Variants in KRT6B observed in about 807,000 individuals in gnomAD.
KRT6B encodes the protein keratin, type II cytoskeletal 6B.
KRT6B carries 29 observed loss-of-function variants against 44.7 expected under a neutral mutation model. The observed-to-expected ratio is 0.65, with a 90% CI of 0.48 to 0.88. The LOEUF is 0.88. Ranked by LOEUF, KRT6B falls within the 40% of genes least tolerant of loss-of-function variation. The pLI, the probability that KRT6B is intolerant of heterozygous loss-of-function variation, is 0.00. For synonymous variants in KRT6B, 213 were observed against 296.0 expected, an observed-to-expected ratio of 0.72 and a Z score of 2.88; for missense variants, 600 against 724.0, an observed-to-expected ratio of 0.83 and a Z score of 1.97.
intron 6 of KRT6B, 110 bp from the exon 7 acceptor site, chr12:52,448,108 T>C (rs1940342352): frequency 7.3e-7 from 1 of 1,370,422 alleles, no homozygotes; most frequent in Non-Finnish European, 1.0e-6. Flanking sequence ...GAACTGATGG[T>C]AAATGAGCTC....
In KRT6B at chr12:52,449,758, T is replaced by G; in HGVS notation, c.912A>C (p.Ala304=). The change falls in exon 4 of 9, where the codon GCA becomes GCC. Residue 304 remains alanine (A), a splice_region_variant and synonymous_variant. Coordinates refer to ENST00000252252, the MANE Select transcript of KRT6B (RefSeq NM_005555.4). ...EINFLRALYD[A]ELSQMQTHIS... ...ACAGAAGGATGGTGGAGTTGCTTAC[T>G]GCATCATACAAGGCTCTCAGGAAGT... The G allele has an allele frequency of 1.2e-6, 2 of 1,614,092 alleles. No individual in the cohort carries two copies. The highest frequency in any genetic ancestry group is 1.7e-6 in the Non-Finnish European group (2 of 1,179,944).
intron 4 of KRT6B, 56 bp from the exon 5 acceptor site, chr12:52,449,689 C>T (rs997805328): frequency 1.9e-6 from 3 of 1,614,194 alleles, no homozygotes; most frequent in Non-Finnish European, 2.5e-6. Flanking sequence ...CAGAGATGCC[C>T]AGCCCTGTAC....
rs551355854 is a variant in KRT6B, at chr12:52,449,620, A to C, written c.926T>G (p.Met309Arg). Residue 309 changes from methionine to arginine, a missense_variant, in exon 5 of 9, where the codon ATG becomes AGG. By Grantham distance (91) the Met-to-Arg change is moderately conservative. Transcript: ENST00000252252. ...GGATGTGTCTGAGATGTGGGTCTGC[A>C]TCTGGGACAGCTCCTGCAGAACAGA... ...RALYDAELSQ[M>R]QTHISDTSVV... 2.5e-6 allele frequency: 4 copies of C among 1,614,244 alleles called. No homozygotes were observed. The South Asian group carries it at 3.3e-5, about 13-fold the overall frequency.
Position 52,447,107 on chromosome 12 carries a change from G to C in KRT6B, c.*83C>G. 6.4e-7 allele frequency: 1 copy of C among 1,572,196 alleles called. No homozygotes were observed. The highest frequency in any genetic ancestry group is 8.7e-7 in the Non-Finnish European group (1 of 1,152,474). On this transcript the variant is annotated 3_prime_UTR_variant, in exon 9 of 9. Transcript: ENST00000252252. ...GAGGGCAGGGGAGACTGGAGGCCAG[G>C]GGAGGACAAGCAACCTGAGGAGAGG...
Position 52,446,825 on chromosome 12 carries a change from T to TCTC in KRT6B, c.*364_*365insGAG. On this transcript the variant is annotated 3_prime_UTR_variant, in exon 9 of 9. Transcript: ENST00000252252. ...TGAGAACTCCTGAGTGTAGCTATAA[T>TCTC]GGGCAGGATGGTTAGCAATTAAAGA... 7.7e-4 allele frequency: 248 copies of TCTC among 322,942 alleles called. No homozygotes were observed. The highest frequency in any genetic ancestry group is 1.7e-3 in the South Asian group (44 of 25,288). The allele number at this position is 322,942 out of a possible 1,614,324, so 20.0% of individuals were successfully genotyped here. A position where few individuals can be genotyped will look rare whatever the true frequency, so the allele number is the denominator to read the frequency against.
chr12:52,447,465 G>A (rs2121514056), intron 8 of KRT6B, 40 bp from the exon 9 acceptor site: 4 of 1,614,060 alleles, frequency 2.5e-6, no homozygotes, highest in Non-Finnish European at 2.5e-6. Context: ...AAGCCACAAT[G>A]AGTTCATCCT....
chr12:52,447,357 C>A lies in KRT6B; in HGVS notation c.1528G>T (p.Gly510Cys), dbSNP rs1261074098. 1.2e-6 allele frequency: 2 copies of A among 1,614,036 alleles called. No individual in the cohort carries two copies. The highest frequency in any genetic ancestry group is 2.2e-5 in the South Asian group (2 of 91,082). ...CCATAGGAGTAGCTGCTTCCTCCAC[C>A]CAGGCCTAAGCCACTGCCGACACCG... ...ASGVGSGLGL[G>C]GGSSYSYGSG... The change falls in exon 9 of 9, where the codon GGT becomes TGT. Residue 510 changes from glycine (G) to cysteine (C), a missense_variant. Transcript: ENST00000252252.
chr12:52,451,990 C>A lies in KRT6B; in HGVS notation c.89G>T (p.Arg30Leu), dbSNP rs374275504. The A allele has an allele frequency of 1.2e-5, 19 of 1,613,584 alleles. No homozygotes were observed. The highest frequency in any genetic ancestry group is 6.7e-5 in the Admixed American group (4 of 60,012). Residue 30 changes from arginine (R) to leucine (L), a missense_variant, in exon 1 of 9, where the codon CGC becomes CTC. Physicochemically the swap from Arg to Leu is moderately radical, Grantham distance 102 (BLOSUM62 -2). Transcript: ENST00000252252. The part of the protein sequence containing the change: ...ANSARLPGVS[R>L]SGFSSISVSR... ...CACGGAGATGCTGCTGAAGCCAGAG[C>A]GGCTGACCCCAGGGAGCCTGGCTGA...
Position 52,449,112 on chromosome 12 carries a change from G to T in KRT6B, c.1078-145C>A, listed in dbSNP as rs965361994. ...TGAGGAAAAGTTGATGTTATGTGGT[G>T]GGTGGATACTAAACACTGGAGTCAC... is the stretch of plus-strand genomic sequence containing the variant. On this transcript the variant is annotated intron_variant, in intron 5 of 8. Transcript: ENST00000252252. 4.2e-5 allele frequency: 61 copies of T among 1,444,096 alleles called. No homozygotes were observed. In the African/African-American group the frequency reaches 6.3e-4, roughly 15 times the overall value. 89.5% of individuals were successfully genotyped at this position (1,444,096 alleles called of 1,614,324 possible). A position where few individuals can be genotyped will look rare whatever the true frequency, so the allele number is the denominator to read the frequency against.
In KRT6B at chr12:52,449,113, G is replaced by A. The variant is rs542117028; in HGVS notation, c.1078-146C>T. On this transcript the variant is annotated intron_variant, in intron 5 of 8. Coordinates refer to ENST00000252252, the MANE Select transcript of KRT6B (RefSeq NM_005555.4). ...GAGGAAAAGTTGATGTTATGTGGTG[G>A]GTGGATACTAAACACTGGAGTCACA... is the stretch of plus-strand genomic sequence containing the variant. 17 of 1,442,650 alleles carry A rather than the reference G, an allele frequency of 1.2e-5. No individual in the cohort carries two copies. The African/African-American group carries it at 2.0e-4, about 17-fold the overall frequency. 89.4% of individuals were successfully genotyped at this position (1,442,650 alleles called of 1,614,324 possible). A position where few individuals can be genotyped will look rare whatever the true frequency, so the allele number is the denominator to read the frequency against.
chr12:52,446,962 AC>A lies in KRT6B; in HGVS notation c.*227del, dbSNP rs553864968. The A allele has an allele frequency of 1.6e-4, 98 of 599,764 alleles. No homozygotes were observed. The highest frequency in any genetic ancestry group is 1.4e-3 in the African/African-American group (74 of 54,002). 37.2% of individuals were successfully genotyped at this position (599,764 alleles called of 1,614,324 possible). On this transcript the variant is annotated 3_prime_UTR_variant, in exon 9 of 9. Coordinates refer to ENST00000252252, the MANE Select transcript of KRT6B (RefSeq NM_005555.4). ...CTCAGATACCTGTAATAATACGGGAACTAAAAAGGACATTCGCATGTCTGAG... is the reference window on the plus strand; with the variant it reads ...CTCAGATACCTGTAATAATACGGGAATAAAAAGGACATTCGCATGTCTGAG...
In KRT6B at chr12:52,452,032, C is replaced by G. The variant is rs749556525; in HGVS notation, c.47G>C (p.Arg16Pro). 6.2e-6 allele frequency: 10 copies of G among 1,613,956 alleles called. No homozygotes were observed. The highest frequency in any genetic ancestry group is 6.8e-6 in the Non-Finnish European group (8 of 1,179,912). Residue 16 changes from arginine to proline, a missense_variant, in exon 1 of 9, where the codon CGG becomes CCG. This residue lies in a region of KRT6B where 78 missense variants were observed against 97.5 expected (regional missense o/e 0.80). Coordinates refer to ENST00000252252, the MANE Select transcript of KRT6B (RefSeq NM_005555.4). Reference protein sequence around the residue: ...TTIRSHSSSRRGFSANSARLP... With the variant: ...TTIRSHSSSRPGFSANSARLP... ...CCTGGCTGAGTTGGCACTGAAACCC[C>G]GGCGGCTGCTGCTGTGGCTCCTGAT...
chr12:52,448,027 T>A, intron 6 of KRT6B, 29 bp from the exon 7 acceptor site: 1 of 1,613,924 alleles, frequency 6.2e-7, no homozygotes, highest in African/African-American at 1.3e-5. Flanking sequence ...AGAAAGAACT[T>A]GTCATCTGGT....
At chr12:52,449,219 C>G (rs1940358831) in intron 5 of KRT6B, among the ~76,000 whole-genome samples, 1 of 152,188 alleles carries the variant, frequency 6.6e-6, no homozygotes, top group South Asian at 2.1e-4. Context: ...TAAAAGTCAG[C>G]AACCAAGGTG....
chr12:52,450,947 G>A (rs573352889), intron 1 of KRT6B, among the ~76,000 whole-genome samples: 10 of 152,090 alleles, frequency 6.6e-5, no homozygotes, highest in African/African-American at 2.2e-4. Context: ...ATTGTACACA[G>A]TTTTTTTTAC....
In KRT6B at chr12:52,452,088, A is replaced by C; in HGVS notation, c.-10T>G. On this transcript the variant is annotated 5_prime_UTR_variant, in exon 1 of 9. Coordinates refer to ENST00000252252, the MANE Select transcript of KRT6B (RefSeq NM_005555.4). Reference sequence around the variant, plus strand: ...TGGATGTGCTGGCCATGGTTCCAGGAGATGAGAGGGCTTAGGAGAGTGTGA... The same window carrying C: ...TGGATGTGCTGGCCATGGTTCCAGGCGATGAGAGGGCTTAGGAGAGTGTGA... 1.2e-6 allele frequency: 2 copies of C among 1,614,036 alleles called. No homozygotes were observed. Among genetic ancestry groups the C allele is most frequent in the Non-Finnish European group, 1.7e-6 (2 of 1,179,990 alleles).
At chr12:52,450,785 A>C (rs1313454963) in intron 1 of KRT6B, among the ~76,000 whole-genome samples, 165 bp from the exon 2 acceptor site, 2 of 152,098 alleles carry the variant, frequency 1.3e-5, no homozygotes, top group Non-Finnish European at 2.9e-5. Context: ...TCTCCTTTGC[A>C]CCCCACCAGT....
intron 2 of KRT6B, 103 bp from the exon 3 acceptor site, chr12:52,450,175 G>C (rs1940375253): frequency 6.2e-7 from 1 of 1,603,330 alleles, no homozygotes; most frequent in Non-Finnish European, 8.5e-7. Context: ...TATTCTAATT[G>C]AGCTTTCCTG....
At chr12:52,448,718 G>C in intron 6 of KRT6B, 124 bp downstream of exon 6, 2 of 1,503,400 alleles carry the variant, frequency 1.3e-6, no homozygotes, top group Non-Finnish European at 1.8e-6. Context: ...CCTAGGAACT[G>C]CATGTCTTTC....
Sources: gnomAD v4.1 joint callset for allele counts (sites outside exome capture counted in the v4.1 genomes callset) on GRCh38, gnomAD v4.1.1 for gene constraint, gnomAD v4.1.1 regional missense constraint, MANE v1.5 for transcripts, NCBI Gene and HGNC (gene_info 2026-07-23, HGNC 2026-07-21) for gene names.